The following COL13A1 variants were observed in gnomAD, a reference collection of about 807,000 sequenced individuals.
COL13A1 encodes the protein collagen alpha-1(XIII) chain.
COL13A1 carries 89 observed loss-of-function variants against 130.9 expected under a neutral mutation model. The ratio of observed to expected loss-of-function variants is 0.68; its 90% confidence interval spans 0.57 to 0.81. The LOEUF is 0.81. Among genes scored for constraint, COL13A1 ranks in the 30% least tolerant of loss-of-function variants. The pLI, the probability that COL13A1 is intolerant of heterozygous loss-of-function variation, is 0.00. For missense variants in COL13A1, 879 were observed against 934.6 expected, an observed-to-expected ratio of 0.94 and a Z score of 0.78; for synonymous variants, 402 against 341.6, an observed-to-expected ratio of 1.18 and a Z score of -1.95.
At chr10:69,851,899 C>T (rs1854957047) in intron 2 of COL13A1, among the ~76,000 whole-genome samples, 1 of 152,216 alleles carries the variant, frequency 6.6e-6, no homozygotes. Context: ...AGGTGATCCA[C>T]CCGCCTCAGC....
In COL13A1 at chr10:69,802,355, C is replaced by A. The variant is rs1340708775; in HGVS notation, c.-69C>A. ...CCCCTGCCCCGCAGTTTGGATAGAG[C>A]CTTTTGGCAGCGGCTGTCGCCTTTA... is the stretch of plus-strand genomic sequence containing the variant. On this transcript the variant is annotated 5_prime_UTR_variant, in exon 1 of 41. Transcript: ENST00000645393. The A allele has an allele frequency of 8.7e-6, 12 of 1,380,194 alleles. No homozygotes were observed. The highest frequency in any genetic ancestry group is 3.7e-5 in the Admixed American group (1 of 27,356). 85.5% of individuals were successfully genotyped at this position (1,380,194 alleles called of 1,614,324 possible). A position where few individuals can be genotyped will look rare whatever the true frequency, so the allele number is the denominator to read the frequency against.
chr10:69,956,912 C>T, intron 39 of COL13A1, 92 bp from the exon 40 acceptor site: 2 of 976,432 alleles, frequency 2.0e-6, no homozygotes, highest in South Asian at 2.6e-5. Flanking sequence ...GATCAGCTGC[C>T]AAAATGCGTG....
At chr10:69,894,329 G>A (rs1006289552) in intron 10 of COL13A1, among the ~76,000 whole-genome samples, 8 of 152,240 alleles carry the variant, frequency 5.3e-5, no homozygotes, top group Admixed American at 3.3e-4. Context: ...ATGGATGAAA[G>A]ATGCCATCTG....
chr10:69,868,454 A>G (rs962394991), intron 3 of COL13A1, among the ~76,000 whole-genome samples: 13 of 152,350 alleles, frequency 8.5e-5, no homozygotes, highest in African/African-American at 3.1e-4. Flanking sequence ...CCACTTCCAG[A>G]GAACCTGAGA....
At chr10:69,890,640 G>T (rs557750058) in intron 10 of COL13A1, among the ~76,000 whole-genome samples, 1 of 152,382 alleles carries the variant, frequency 6.6e-6, no homozygotes, top group African/African-American at 2.4e-5. Context: ...TGGAAAGGGG[G>T]ATGGTGGAGT....
At chr10:69,867,101 G>C (rs1052459558) in intron 2 of COL13A1, among the ~76,000 whole-genome samples, 4 of 152,192 alleles carry the variant, frequency 2.6e-5, no homozygotes, top group Admixed American at 6.5e-5. Context: ...GCTGTTGCCA[G>C]TAATGAGATA....
intron 1 of COL13A1, among the ~76,000 whole-genome samples, chr10:69,820,993 C>G (rs1306730819): frequency 6.6e-6 from 1 of 152,216 alleles, no homozygotes; most frequent in Non-Finnish European, 1.5e-5. Flanking sequence ...ATATTACTTT[C>G]TTCACCTCTC....
At position 69,858,115 on chromosome 10, in the gene COL13A1, C is replaced by CAAAAAAAAAAAAAAAA. The variant is rs573668102; in HGVS notation, c.365-9678_365-9663dup. 9.8e-4 allele frequency among the ~76,000 whole-genome samples: 79 copies of CAAAAAAAAAAAAAAAA among 80,356 alleles called. 5 individuals carry two copies. The highest frequency in any genetic ancestry group is 2.2e-3 in the African/African-American group (43 of 19,880). 52.7% of individuals were successfully genotyped at this position (80,356 alleles called of 152,430 possible). A position where few individuals can be genotyped will look rare whatever the true frequency, so the allele number is the denominator to read the frequency against. On this transcript the variant is annotated intron_variant, in intron 2 of 40. Transcript: ENST00000645393. Reference sequence around the variant, plus strand: ...TGGGTGACAGAGCGAGACTCCGTCTCAAAAAAAAAAAAAAAAAAAAGATTG... The same window carrying CAAAAAAAAAAAAAAAA: ...TGGGTGACAGAGCGAGACTCCGTCTCAAAAAAAAAAAAAAAAAAAAAAAAAAAAAAAAAAAAGATTG...
At chr10:69,906,733 T>A (rs145393186) in intron 17 of COL13A1, among the ~76,000 whole-genome samples, 1 of 152,122 alleles carries the variant, frequency 6.6e-6, no homozygotes, top group African/African-American at 2.4e-5. Context: ...TTTTTTGTTT[T>A]TGTTTTTGTT....
intron 32 of COL13A1, among the ~76,000 whole-genome samples, chr10:69,936,121 GAAGGAAA>G (rs2066838139): frequency 1.1e-5 from 1 of 92,648 alleles, no homozygotes; most frequent in Admixed American, 1.1e-4. Context: ...AGGAAGGAAG[GAAGGAAA>G]GAAGGAAGGA....
chr10:69,930,375 G>A (rs1157322337), intron 29 of COL13A1, 25 bp from the exon 30 acceptor site: 3 of 1,590,798 alleles, frequency 1.9e-6, no homozygotes, highest in South Asian at 1.1e-5. Context: ...ATGTGTCTAA[G>A]AAGCGTTTTT....
chr10:69,834,212 T>C (rs1046726249), intron 2 of COL13A1, among the ~76,000 whole-genome samples: 2 of 152,184 alleles, frequency 1.3e-5, no homozygotes, highest in Non-Finnish European at 2.9e-5. Flanking sequence ...ATGCGCAGTC[T>C]GCAATAGGGT....
chr10:69,920,293 T>C (rs1409754961), intron 21 of COL13A1, among the ~76,000 whole-genome samples: 1 of 152,170 alleles, frequency 6.6e-6, no homozygotes, highest in Non-Finnish European at 1.5e-5. Flanking sequence ...AGCCCTCAGC[T>C]CACATTATTA....
intron 8 of COL13A1, 37 bp downstream of exon 8, chr10:69,887,528 TG>T (rs772718968): frequency 6.2e-7 from 1 of 1,611,736 alleles, no homozygotes; most frequent in Non-Finnish European, 8.5e-7. Context: ...GTGTCCCAGG[TG>T]GTCTGTAGGC....
chr10:69,949,343 C>G (rs990819052), intron 38 of COL13A1, among the ~76,000 whole-genome samples: 1 of 152,150 alleles, frequency 6.6e-6, no homozygotes, highest in Non-Finnish European at 1.5e-5. Context: ...CCACCACGCC[C>G]GGCTAATTTT....
intron 29 of COL13A1, 23 bp from the exon 30 acceptor site, chr10:69,930,377 A>G: frequency 2.5e-6 from 4 of 1,591,232 alleles, no homozygotes; most frequent in Non-Finnish European, 3.4e-6. Context: ...GTGTCTAAGA[A>G]GCGTTTTTGG....
At chr10:69,939,113 T>C (rs1334860030) in intron 34 of COL13A1, among the ~76,000 whole-genome samples, 3 of 151,304 alleles carry the variant, frequency 2.0e-5, no homozygotes, top group Non-Finnish European at 4.4e-5. Context: ...CAGAGAAGTA[T>C]TTTTTTTTAG....
At chr10:69,872,246 C>G (rs781209461) in intron 4 of COL13A1, 36 bp downstream of exon 4, 2 of 1,612,514 alleles carry the variant, frequency 1.2e-6, no homozygotes, top group Non-Finnish European at 1.7e-6. Context: ...CTTTGCATCT[C>G]TTTTACGTGC....
At chr10:69,871,558 G>C (rs914624901) in intron 3 of COL13A1, among the ~76,000 whole-genome samples, 2 of 152,198 alleles carry the variant, frequency 1.3e-5, no homozygotes, top group Non-Finnish European at 2.9e-5. Flanking sequence ...TAGAAGGGTT[G>C]ACTTACTCCT....
Sources: allele counts gnomAD v4.1 joint callset (sites outside exome capture counted in the v4.1 genomes callset), GRCh38; gene constraint gnomAD v4.1.1; transcripts MANE v1.5; gene names NCBI Gene and HGNC (gene_info 2026-07-23, HGNC 2026-07-21).